Variants in KPNA6 observed in about 807,000 individuals in gnomAD.
KPNA6 encodes the protein karyopherin subunit alpha 6.
Under a neutral mutation model 72.0 loss-of-function variants are expected in KPNA6, and 9 were observed. The ratio of observed to expected loss-of-function variants is 0.13; its 90% CI spans 0.08 to 0.22. The LOEUF (loss-of-function observed/expected upper bound fraction) is 0.22. Among genes scored for constraint, KPNA6 ranks in the 10% least tolerant of loss-of-function variants. KPNA6 has a pLI of 1.00. For missense variants in KPNA6, 374 were observed against 655.7 expected, an observed-to-expected ratio of 0.57 and a Z score of 4.69; for synonymous variants, 219 against 242.1, an observed-to-expected ratio of 0.90 and a Z score of 0.89.
intron 1 of KPNA6, among the ~76,000 whole-genome samples, chr1:32,111,760 G>A (rs929249463): frequency 2.0e-5 from 3 of 152,076 alleles, no homozygotes; most frequent in Non-Finnish European, 4.4e-5. Flanking sequence ...TACTAGCTCA[G>A]TCGTATATCC....
Position 32,167,231 on chromosome 1 carries a change from T to C in KPNA6, c.1179T>C (p.Arg393=). Residue 393 remains arginine, a synonymous_variant, in exon 12 of 14, where the codon CGT becomes CGC. Transcript: ENST00000373625. ...AAATCCTTCAGAAAGCAGAGTTTCG[T>C]ACAAGGAAAGAGGCAGCCTGGGCCA... ...LIEILQKAEF[R]TRKEAAWAIT... is the part of the protein sequence containing the mutation. The C allele has an allele frequency of 1.2e-6, 2 of 1,614,030 alleles. No homozygotes were observed. The highest frequency in any genetic ancestry group is 1.7e-6 in the Non-Finnish European group (2 of 1,179,962).
intron 13 of KPNA6, among the ~76,000 whole-genome samples, chr1:32,170,273 G>A (rs1344289641): frequency 9.9e-5 from 15 of 152,206 alleles, no homozygotes; most frequent in Admixed American, 9.8e-4. Flanking sequence ...TAATCAGGAT[G>A]TGCTGAGTAG....
chr1:32,127,550 T>C (rs1641556285), intron 1 of KPNA6, among the ~76,000 whole-genome samples: 1 of 152,236 alleles, frequency 6.6e-6, no homozygotes, highest in Admixed American at 6.5e-5. Context: ...AAGGAAGAGC[T>C]AATCAGAGGG....
chr1:32,119,944 G>C (rs1262449920), intron 1 of KPNA6, among the ~76,000 whole-genome samples: 1 of 151,554 alleles, frequency 6.6e-6, no homozygotes, highest in Non-Finnish European at 1.5e-5. Flanking sequence ...CACCATATTG[G>C]CCAGGCTGGT....
intron 1 of KPNA6, among the ~76,000 whole-genome samples, chr1:32,137,756 A>G (rs960104338): frequency 1.3e-5 from 2 of 152,168 alleles, no homozygotes; most frequent in African/African-American, 2.4e-5. Flanking sequence ...GGAGTAACAG[A>G]TAAAAATCAG....
chr1:32,165,429 C>A (rs1198699628), intron 10 of KPNA6, among the ~76,000 whole-genome samples: 1 of 151,912 alleles, frequency 6.6e-6, no homozygotes, highest in African/African-American at 2.4e-5. Context: ...TGGCTCATGC[C>A]TGTAATTCCA....
At chr1:32,164,653 G>A (rs1315134314) in intron 10 of KPNA6, among the ~76,000 whole-genome samples, 1 of 147,076 alleles carries the variant, frequency 6.8e-6, no homozygotes, top group Admixed American at 6.8e-5. Context: ...TGGTAATGTT[G>A]AGCATCTTTT....
intron 1 of KPNA6, chr1:32,143,130 A>T: frequency 1.7e-6 from 1 of 588,562 alleles, no homozygotes; most frequent in Admixed American, 2.4e-5. Context: ...AGGTGCAGAC[A>T]CAGCTCACTT....
At chr1:32,164,977 A>G (rs1412047855) in intron 10 of KPNA6, among the ~76,000 whole-genome samples, 1 of 152,128 alleles carries the variant, frequency 6.6e-6, no homozygotes, top group Non-Finnish European at 1.5e-5. Flanking sequence ...GGCTCACTGC[A>G]ACCTCTGCCT....
At chr1:32,140,388 G>GA (rs536928833) in intron 1 of KPNA6, among the ~76,000 whole-genome samples, 2,438 of 145,952 alleles carry the variant, frequency 0.017, 57 homozygotes, top group African/African-American at 0.055. Context: ...TGTCTCAGGA[G>GA]AAAAAAAAAA....
chr1:32,150,867 C>T (rs562691960), intron 1 of KPNA6, among the ~76,000 whole-genome samples: 130 of 150,072 alleles, frequency 8.7e-4, no homozygotes, highest in Non-Finnish European at 5.6e-4. Context: ...CCTCGTGGTC[C>T]GCCCACCTCG....
At chr1:32,169,825 C>T in intron 12 of KPNA6, 57 bp from the exon 13 acceptor site, 1 of 1,497,226 alleles carries the variant, frequency 6.7e-7, no homozygotes, top group Non-Finnish European at 9.2e-7. Context: ...AGAGCACCTG[C>T]CCAGCACTTC....
rs905414050 is a variant in KPNA6 at position 32,158,427 on chromosome 1, A to G, written c.426+66A>G. 42 of 929,550 alleles carry G rather than the reference A, an allele frequency of 4.5e-5. No individual in the cohort carries two copies. The African/African-American group carries it at 4.9e-4, about 11-fold the overall frequency. 57.6% of individuals were successfully genotyped at this position (929,550 alleles called of 1,614,324 possible). On this transcript the variant is annotated intron_variant, in intron 5 of 13. Transcript: ENST00000373625. ...TTTGGGGGATACATAGTAGGTATATATATTTATGGGATACATGAGATGTTT... is the reference window on the plus strand; with the variant it reads ...TTTGGGGGATACATAGTAGGTATATGTATTTATGGGATACATGAGATGTTT...
chr1:32,148,403 C>T (rs905573494), intron 1 of KPNA6, among the ~76,000 whole-genome samples: 8 of 151,964 alleles, frequency 5.3e-5, no homozygotes, highest in Non-Finnish European at 1.0e-4. Flanking sequence ...CTCAGTATCC[C>T]AAATGTGTAT....
chr1:32,143,712 T>C (rs1641882873), intron 1 of KPNA6, among the ~76,000 whole-genome samples: 1 of 152,094 alleles, frequency 6.6e-6, no homozygotes, highest in Non-Finnish European at 1.5e-5. Context: ...TTTCCAAATA[T>C]TTTACTACCC....
intron 1 of KPNA6, among the ~76,000 whole-genome samples, chr1:32,132,719 C>G (rs917438477): frequency 6.6e-6 from 1 of 152,014 alleles, no homozygotes; most frequent in Non-Finnish European, 1.5e-5. Context: ...CTGGCTAACA[C>G]GGTGAAACCC....
At chr1:32,151,745 T>C (rs774706728) in intron 1 of KPNA6, among the ~76,000 whole-genome samples, 1 of 152,192 alleles carries the variant, frequency 6.6e-6, no homozygotes, top group Non-Finnish European at 1.5e-5. Context: ...TGAAACAGTT[T>C]ATAGCAACAG....
At position 32,150,127 on chromosome 1, in the gene KPNA6, C is replaced by CTTT. The variant is rs35179721; in HGVS notation, c.5-4440_5-4438dup. Among the ~76,000 whole-genome samples the CTTT allele has an allele frequency of 3.8e-3, 331 of 87,000 alleles. 1 individual carries two copies. The highest frequency in any genetic ancestry group is 4.8e-3 in the East Asian group (14 of 2,918). The allele number at this position is 87,000 out of a possible 152,430, so 57.1% of individuals were successfully genotyped here. On this transcript the variant is annotated intron_variant, in intron 1 of 13. Coordinates refer to ENST00000373625, the MANE Select transcript of KPNA6 (RefSeq NM_012316.5). ...GGATTAGATCTGGAAAATTTTTAGTCTTTTTTTTTTTTTTTTTTTTTTTGA... is the reference window on the plus strand; with the variant it reads ...GGATTAGATCTGGAAAATTTTTAGTCTTTTTTTTTTTTTTTTTTTTTTTTTTGA...
chr1:32,168,058 C>T (rs1023423629), intron 12 of KPNA6, among the ~76,000 whole-genome samples: 1 of 152,076 alleles, frequency 6.6e-6, no homozygotes, highest in African/African-American at 2.4e-5. Context: ...GCCACAGCTA[C>T]TCAGTAGGCT....
Sources: gnomAD v4.1 joint callset for allele counts (sites outside exome capture counted in the v4.1 genomes callset) on GRCh38, gnomAD v4.1.1 for gene constraint, MANE v1.5 for transcripts, NCBI Gene and HGNC (gene_info 2026-07-23, HGNC 2026-07-21) for gene names.